Variants in LRRTM4 observed in about 807,000 individuals in gnomAD.
The protein encoded by LRRTM4 is leucine-rich repeat transmembrane neuronal protein 4.
A neutral mutation model predicts 47.6 loss-of-function variants in LRRTM4; 25 were observed. The ratio of observed to expected loss-of-function variants is 0.53; its 90% confidence interval spans 0.38 to 0.73. LRRTM4 has a LOEUF of 0.73. Among genes scored for constraint, LRRTM4 ranks in the 30% least tolerant of loss-of-function variants. The pLI, the probability that LRRTM4 is intolerant of heterozygous loss-of-function variation, is 0.00. For missense variants in LRRTM4, 638 were observed against 713.4 expected, an observed-to-expected ratio of 0.89 and a Z score of 1.20; for synonymous variants, 311 against 269.5, an observed-to-expected ratio of 1.15 and a Z score of -1.51.
At chr2:77,304,183 C>T (rs1677211731) in intron 3 of LRRTM4, among the ~76,000 whole-genome samples, 1 of 152,100 alleles carries the variant, frequency 6.6e-6, no homozygotes, top group Non-Finnish European at 1.5e-5. Flanking sequence ...TTTTGCTCTG[C>T]ATTTCCCTCA....
Position 77,073,153 on chromosome 2 carries a change from T to A in LRRTM4, c.1552-324237A>T, listed in dbSNP as rs1157967002. ...GTTTCTGATACAGAGGCAAACACTATTAAATATTTGCTGGTTCTTCAGTGT... is the reference window on the plus strand; with the variant it reads ...GTTTCTGATACAGAGGCAAACACTAATAAATATTTGCTGGTTCTTCAGTGT... On this transcript the variant is annotated intron_variant, in intron 3 of 3. Transcript: ENST00000409884. Among the ~76,000 whole-genome samples, 3 of 152,078 alleles carry A rather than the reference T, an allele frequency of 2.0e-5. No individual in the cohort carries two copies. In the East Asian group the frequency reaches 5.8e-4, roughly 29 times the overall value.
chr2:77,027,107 C>T (rs1163026518), intron 3 of LRRTM4, among the ~76,000 whole-genome samples: 2 of 152,162 alleles, frequency 1.3e-5, no homozygotes, highest in East Asian at 1.9e-4. Flanking sequence ...CCCCAATGCC[C>T]CTCTTTCCTT....
chr2:77,196,799 A>G (rs1673840900), intron 3 of LRRTM4, among the ~76,000 whole-genome samples: 1 of 152,186 alleles, frequency 6.6e-6, no homozygotes, highest in Admixed American at 6.6e-5. Flanking sequence ...TATTAAATTT[A>G]AAAGGAAATA....
Position 77,131,653 on chromosome 2 carries a change from C to T in LRRTM4, c.1552-382737G>A, listed in dbSNP as rs78041261. ...TGTCAAAGATAAGGCTACTCTGGGG[C>T]TTTACACTATGGGGGAAATTATGGC... On this transcript the variant is annotated intron_variant, in intron 3 of 3. Transcript: ENST00000409884. 4.0e-3 allele frequency among the ~76,000 whole-genome samples: 601 copies of T among 152,124 alleles called. 3 individuals are homozygous for T. Among genetic ancestry groups the T allele is most frequent in the Non-Finnish European group, 5.1e-3 (347 of 67,990 alleles).
chr2:77,341,181 G>A (rs1573281011), intron 3 of LRRTM4, among the ~76,000 whole-genome samples: 1 of 151,912 alleles, frequency 6.6e-6, no homozygotes, highest in African/African-American at 2.4e-5. Flanking sequence ...AGTCCTTAAT[G>A]TCTAGCTGAA....
chr2:77,163,616 A>C, intron 3 of LRRTM4, among the ~76,000 whole-genome samples: 1 of 152,224 alleles, frequency 6.6e-6, no homozygotes, highest in East Asian at 1.9e-4. Context: ...CATCAGACTA[A>C]CAGCGGATCT....
chr2:77,115,583 G>T (rs977859031), intron 3 of LRRTM4, among the ~76,000 whole-genome samples: 1 of 152,118 alleles, frequency 6.6e-6, no homozygotes, highest in African/African-American at 2.4e-5. Context: ...TCCGTTCGGG[G>T]TCCCTGACTT....
At chr2:76,802,537 T>TACTACTACAAATG (rs895445433) in intron 3 of LRRTM4, among the ~76,000 whole-genome samples, 1 of 152,078 alleles carries the variant, frequency 6.6e-6, no homozygotes, top group African/African-American at 2.4e-5. Context: ...AAAATGTCTA[T>TACTACTACAAATG]ACTACTACAA....
chr2:77,439,935 A>G (rs898957481), intron 3 of LRRTM4, among the ~76,000 whole-genome samples: 1 of 152,196 alleles, frequency 6.6e-6, no homozygotes, highest in African/African-American at 2.4e-5. Flanking sequence ...GAACCAAGCA[A>G]CAAGGCCCCA....
intron 3 of LRRTM4, among the ~76,000 whole-genome samples, chr2:77,161,464 T>TA (rs896439029): frequency 3.9e-5 from 6 of 152,214 alleles, no homozygotes; most frequent in Non-Finnish European, 8.8e-5. Flanking sequence ...TGCCTTGTGA[T>TA]AATTAAACTC....
chr2:76,952,254 T>A (rs1396377883), intron 3 of LRRTM4, among the ~76,000 whole-genome samples: 3 of 151,970 alleles, frequency 2.0e-5, no homozygotes, highest in Admixed American at 6.6e-5. Context: ...TGTAGAATAA[T>A]CAGATGGCCT....
At chr2:77,171,046 C>T (rs1403009520) in intron 3 of LRRTM4, among the ~76,000 whole-genome samples, 1 of 151,278 alleles carries the variant, frequency 6.6e-6, no homozygotes, top group African/African-American at 2.4e-5. Context: ...TATGTGTATG[C>T]TTTAGTACAC....
chr2:76,982,802 A>G (rs1303875476), intron 3 of LRRTM4, among the ~76,000 whole-genome samples: 1 of 152,112 alleles, frequency 6.6e-6, no homozygotes, highest in East Asian at 1.9e-4. Context: ...ACACTTGCCA[A>G]TTAAAAATAG....
chr2:76,874,259 T>A (rs970218836), intron 3 of LRRTM4, among the ~76,000 whole-genome samples: 1 of 152,008 alleles, frequency 6.6e-6, no homozygotes, highest in African/African-American at 2.4e-5. Flanking sequence ...TCTACAAGCA[T>A]AGTCTTGTGA....
At chr2:77,403,456 G>T (rs1261655041) in intron 3 of LRRTM4, among the ~76,000 whole-genome samples, 2 of 151,684 alleles carry the variant, frequency 1.3e-5, no homozygotes, top group Non-Finnish European at 2.9e-5. Context: ...AATAAAGAGG[G>T]AATGAATGAA....
intron 3 of LRRTM4, among the ~76,000 whole-genome samples, chr2:77,473,195 G>A (rs1394115719): frequency 6.6e-6 from 1 of 152,038 alleles, no homozygotes; most frequent in Admixed American, 6.6e-5. Flanking sequence ...AATCAAGGAG[G>A]ATACTGAATA....
chr2:76,920,818 C>G (rs372689696), intron 3 of LRRTM4, among the ~76,000 whole-genome samples: 1 of 152,056 alleles, frequency 6.6e-6, no homozygotes. Flanking sequence ...GGTCCTATCT[C>G]TACTATATTT....
intron 3 of LRRTM4, among the ~76,000 whole-genome samples, chr2:77,493,709 A>G (rs1210803269): frequency 1.3e-5 from 2 of 152,114 alleles, no homozygotes; most frequent in African/African-American, 4.8e-5. Flanking sequence ...GCAGGACCCA[A>G]AGAATTGTAA....
At chr2:77,427,003 G>A (rs1322859074) in intron 3 of LRRTM4, among the ~76,000 whole-genome samples, 3 of 144,708 alleles carry the variant, frequency 2.1e-5, no homozygotes, top group African/African-American at 7.8e-5. Flanking sequence ...TTTTTCTGAC[G>A]GAGTCTTGCT....
Sources: gnomAD v4.1 joint callset for allele counts (sites outside exome capture counted in the v4.1 genomes callset) on GRCh38, gnomAD v4.1.1 for gene constraint, MANE v1.5 for transcripts, NCBI Gene and HGNC (gene_info 2026-07-23, HGNC 2026-07-21) for gene names.